The following CCSER1 variants were observed in gnomAD, a reference collection of about 807,000 sequenced individuals.
CCSER1 encodes serine-rich coiled-coil domain-containing protein 1.
CCSER1 carries 41 observed loss-of-function variants against 82.0 expected under a neutral mutation model. The ratio of observed to expected loss-of-function variants is 0.50; its 90% CI spans 0.39 to 0.65. The LOEUF (loss-of-function observed/expected upper bound fraction) is 0.65. Among genes scored for constraint, CCSER1 ranks in the 30% least tolerant of loss-of-function variants. The pLI is 0.00. For synonymous variants in CCSER1, 414 were observed against 383.9 expected (o/e 1.08, Z -0.92); for missense variants, 1,119 against 1,064.2 (o/e 1.05, Z -0.72).
chr4:90,323,404 C>T (rs1379012748), intron 3 of CCSER1, among the ~76,000 whole-genome samples: 1 of 152,192 alleles, frequency 6.6e-6, no homozygotes, highest in African/African-American at 2.4e-5. Flanking sequence ...GTGGAGCTAG[C>T]TGGAGCTCAG....
At chr4:91,328,798 A>G (rs1746742838) in intron 10 of CCSER1, among the ~76,000 whole-genome samples, 1 of 152,188 alleles carries the variant, frequency 6.6e-6, no homozygotes. Context: ...TCACCCAAAT[A>G]TCACCTTGAA....
At chr4:90,924,669 T>G (rs943936699) in intron 9 of CCSER1, among the ~76,000 whole-genome samples, 1 of 152,264 alleles carries the variant, frequency 6.6e-6, no homozygotes, top group South Asian at 2.1e-4. Flanking sequence ...TAGTTCAATA[T>G]TGGTCTTTTG....
intron 10 of CCSER1, among the ~76,000 whole-genome samples, chr4:91,462,147 T>A (rs550614886): frequency 2.6e-5 from 4 of 152,262 alleles, no homozygotes; most frequent in African/African-American, 9.6e-5. Context: ...TTAATAATCA[T>A]GAATTCTGAA....
At chr4:91,301,437 A>T (rs1744655779) in intron 10 of CCSER1, among the ~76,000 whole-genome samples, 2 of 151,576 alleles carry the variant, frequency 1.3e-5, no homozygotes, top group African/African-American at 4.8e-5. Context: ...TCACCTAATA[A>T]GCATTTTGAT....
intron 8 of CCSER1, among the ~76,000 whole-genome samples, chr4:90,863,224 A>G (rs758627959): frequency 6.6e-6 from 1 of 151,926 alleles, no homozygotes; most frequent in Non-Finnish European, 1.5e-5. Context: ...TTTCCTGAGA[A>G]TGATGATTTC....
intron 5 of CCSER1, among the ~76,000 whole-genome samples, chr4:90,550,718 A>G (rs1031019265): frequency 6.6e-6 from 1 of 152,118 alleles, no homozygotes; most frequent in Non-Finnish European, 1.5e-5. Context: ...CATCCAAACC[A>G]CTTGAATGAA....
At chr4:91,167,904 G>A (rs149363268) in intron 10 of CCSER1, among the ~76,000 whole-genome samples, 28,164 of 151,378 alleles carry the variant, frequency 0.19, 2,944 homozygotes, top group Non-Finnish European at 0.23. Flanking sequence ...GCCTCTGCCC[G>A]GCCGCCACCC....
chr4:91,133,968 G>A (rs549475254), intron 10 of CCSER1, among the ~76,000 whole-genome samples: 13 of 152,196 alleles, frequency 8.5e-5, no homozygotes, highest in East Asian at 1.9e-4. Context: ...GCAAGGTGGC[G>A]CATGCCTATA....
chr4:91,148,639 A>C (rs2148946635), intron 10 of CCSER1, among the ~76,000 whole-genome samples: 1 of 152,040 alleles, frequency 6.6e-6, no homozygotes, highest in East Asian at 1.9e-4. Flanking sequence ...CCCCCATCCC[A>C]CCACCCCATG....
intron 10 of CCSER1, among the ~76,000 whole-genome samples, chr4:91,465,740 C>G (rs1033574996): frequency 2.0e-5 from 3 of 152,110 alleles, no homozygotes; most frequent in African/African-American, 7.2e-5. Context: ...TACAAATAAA[C>G]TAGAAAATCT....
At chr4:90,286,969 T>C (rs958695454) in intron 1 of CCSER1, among the ~76,000 whole-genome samples, 1 of 152,066 alleles carries the variant, frequency 6.6e-6, no homozygotes, top group East Asian at 1.9e-4. Flanking sequence ...AGAAAAATAA[T>C]GTAGTGTGAT....
chr4:90,668,629 T>G (rs1163953864), intron 6 of CCSER1, among the ~76,000 whole-genome samples: 2 of 152,148 alleles, frequency 1.3e-5, no homozygotes, highest in Non-Finnish European at 2.9e-5. Flanking sequence ...TATATGAGGT[T>G]AAATGTATTT....
chr4:90,736,326 G>A (rs181269237), intron 7 of CCSER1, among the ~76,000 whole-genome samples: 2 of 152,174 alleles, frequency 1.3e-5, no homozygotes, highest in Non-Finnish European at 2.9e-5. Context: ...AAGTATTATT[G>A]TATTGGAGTC....
rs943495727 is a variant in CCSER1 at position 91,600,818 on chromosome 4, G to T, written c.*1761G>T. 4 of 151,990 alleles carry T rather than the reference G, an allele frequency of 2.6e-5. No individual in the cohort carries two copies. Among genetic ancestry groups the T allele is most frequent in the African/African-American group, 7.2e-5 (3 of 41,390 alleles). The allele number at this position is 151,990 out of a possible 1,614,324, so 9.4% of individuals were successfully genotyped here. ...TTTGCCAAATGTTTTCTTTCTTTGC[G>T]TGTTTGTAATTCTGCCAAAAGAGAA... On this transcript the variant is annotated 3_prime_UTR_variant, in exon 11 of 11. Transcript: ENST00000509176.
intron 1 of CCSER1, among the ~76,000 whole-genome samples, chr4:90,255,494 T>A (rs1329097895): frequency 1.3e-5 from 2 of 152,180 alleles, no homozygotes; most frequent in Non-Finnish European, 2.9e-5. Context: ...TATGGTTATT[T>A]TAATCATAAG....
chr4:90,686,593 C>G (rs1307261576), intron 6 of CCSER1, among the ~76,000 whole-genome samples: 2 of 151,970 alleles, frequency 1.3e-5, no homozygotes, highest in African/African-American at 2.4e-5. Flanking sequence ...TTTATTCTTT[C>G]TCTGCCTTCT....
rs1733323450 is a variant in CCSER1 at position 91,176,167 on chromosome 4, C to G, written c.2217+90173C>G. On this transcript the variant is annotated intron_variant, in intron 10 of 10. Transcript: ENST00000509176. ...TGGTATTACTTATGAGGGCTCTGTTCTGTTCCATTGGTCTATATCTCTGTT... is the reference window on the plus strand; with the variant it reads ...TGGTATTACTTATGAGGGCTCTGTTGTGTTCCATTGGTCTATATCTCTGTT... Among the ~76,000 whole-genome samples the G allele has an allele frequency of 2.0e-5, 3 of 148,756 alleles. No individual in the cohort carries two copies. In the Admixed American group the frequency reaches 2.0e-4, roughly 10 times the overall value.
intron 1 of CCSER1, among the ~76,000 whole-genome samples, chr4:90,218,091 A>G (rs933483031): frequency 2.0e-5 from 3 of 152,130 alleles, no homozygotes; most frequent in Non-Finnish European, 4.4e-5. Context: ...ATGGGTCCCC[A>G]TACCCATCCC....
Position 91,142,127 on chromosome 4 carries a change from G to A in CCSER1, c.2217+56133G>A, listed in dbSNP as rs369066350. 1.6e-4 allele frequency among the ~76,000 whole-genome samples: 25 copies of A among 152,154 alleles called. 1 individual carries two copies. In the East Asian group the frequency reaches 3.1e-3, roughly 19 times the overall value. On this transcript the variant is annotated intron_variant, in intron 10 of 10. Transcript: ENST00000509176. ...CACCTTGAATTGTAATAATCCCCAC[G>A]TGTCAAGGGTGGGGGACAGGTGGAG...
Sources: gnomAD v4.1 joint callset for allele counts (sites outside exome capture counted in the v4.1 genomes callset) on GRCh38, gnomAD v4.1.1 for gene constraint, MANE v1.5 for transcripts, NCBI Gene and HGNC (gene_info 2026-07-23, HGNC 2026-07-21) for gene names.